The following PIEZO1 variants were observed in gnomAD, a reference collection of about 807,000 sequenced individuals.
PIEZO1 encodes the protein piezo-type mechanosensitive ion channel component 1.
A neutral mutation model predicts 297.2 loss-of-function variants in PIEZO1; 296 were observed. That is an observed-to-expected ratio of 1.00 (90% CI 0.91 to 1.10). PIEZO1 has a LOEUF of 1.10. Ranked by LOEUF, PIEZO1 falls within the 50% of genes least tolerant of loss-of-function variation. The pLI is 0.00. For synonymous variants in PIEZO1, 2,427 were observed against 1,507.5 expected (o/e 1.61, Z -14.13); for missense variants, 5,018 against 3,455.5 (o/e 1.45, Z -11.34).
intron 2 of PIEZO1, 61 bp downstream of exon 2, chr16:88,749,322 GC>G: frequency 9.2e-7 from 1 of 1,086,934 alleles, no homozygotes; most frequent in Non-Finnish European, 1.3e-6. Context: ...ACGAATTTTG[GC>G]CCCAAACGAA....
Position 88,783,154 on chromosome 16 carries a change from CAAG to C in PIEZO1, c.64+1744_64+1746del, listed in dbSNP as rs113785750. ...CCATCCTCCCCAAGGAGGCCAAAAG[CAAG>C]AAGAACAGTGATCCCTCCCCCAGAT... On this transcript the variant is annotated intron_variant, in intron 1 of 50. Transcript: ENST00000301015. 4.1e-3 allele frequency among the ~76,000 whole-genome samples: 625 copies of C among 152,260 alleles called. 1 individual carries two copies. The highest frequency in any genetic ancestry group is 0.013 in the African/African-American group (527 of 41,550).
At chr16:88,743,195 G>T (rs1166498223) in intron 2 of PIEZO1, 1 of 456,230 alleles carries the variant, frequency 2.2e-6, no homozygotes, top group Admixed American at 2.3e-5. Context: ...GGCAGGGGCT[G>T]GGCGGGCGCA....
At position 88,717,227 on chromosome 16, in the gene PIEZO1, A is replaced by G; in HGVS notation, c.6472-16T>C. On this transcript the variant is annotated splice_polypyrimidine_tract_variant and intron_variant, in intron 44 of 50. Coordinates refer to ENST00000301015, the MANE Select transcript of PIEZO1 (RefSeq NM_001142864.4). ...GCGGGTATTTCTGGAGGGGAACGAC[A>G]CAGGTCATACGCTCAGCTCTGCCCT... The G allele has an allele frequency of 1.9e-6, 3 of 1,543,878 alleles. No individual in the cohort carries two copies. Among genetic ancestry groups the G allele is most frequent in the East Asian group, 2.4e-5 (1 of 40,916 alleles).
intron 1 of PIEZO1, among the ~76,000 whole-genome samples, chr16:88,764,020 A>G (rs190604787): frequency 6.6e-6 from 1 of 152,102 alleles, no homozygotes; most frequent in Non-Finnish European, 1.5e-5. Context: ...CTGGGGGCCA[A>G]AGTGCACGAT....
intron 1 of PIEZO1, among the ~76,000 whole-genome samples, chr16:88,783,523 G>A (rs1384817280): frequency 1.3e-5 from 2 of 152,338 alleles, no homozygotes; most frequent in East Asian, 1.9e-4. Flanking sequence ...GGACGTTTCA[G>A]AAGCTTTCCT....
At position 88,721,536 on chromosome 16, in the gene PIEZO1, A is replaced by C; in HGVS notation, c.5403+2T>G. 6.5e-7 allele frequency: 1 copy of C among 1,547,762 alleles called. No individual in the cohort carries two copies. The highest frequency in any genetic ancestry group is 8.7e-7 in the Non-Finnish European group (1 of 1,145,300). On this transcript the variant is annotated splice_donor_variant, in intron 38 of 50. Coordinates refer to ENST00000301015, the MANE Select transcript of PIEZO1 (RefSeq NM_001142864.4). LOFTEE classifies it high-confidence loss of function. ...GCATTGCCAGCCAAGGCTCACACTC[A>C]CCAGCAGCTGGGAGCGGTGGAAGAA...
Position 88,715,612 on chromosome 16 carries a change from T to A in PIEZO1, c.7559A>T (p.Lys2520Met), listed in dbSNP as rs1227266122. ...GGGCGCCAGCAGCAGCTCCTACTCC[T>A]TCTCACGAGTCCACTTGATCATGGT... Reference protein sequence around the residue: ...PETMIKWTREKE With the variant: ...PETMIKWTREME Residue 2520 changes from lysine to methionine, a missense_variant, in exon 51 of 51, where the codon AAG becomes ATG. Physicochemically the swap from Lys to Met is moderately conservative, Grantham distance 95. Coordinates refer to ENST00000301015, the MANE Select transcript of PIEZO1 (RefSeq NM_001142864.4). 1 of 1,549,740 alleles carries A rather than the reference T, an allele frequency of 6.5e-7. No individual in the cohort carries two copies. The highest frequency in any genetic ancestry group is 1.4e-5 in the African/African-American group (1 of 73,126).
rs1027668127 is a variant in PIEZO1 at position 88,716,187 on chromosome 16, C to G, written c.7129+11G>C. The G allele has an allele frequency of 2.0e-6, 3 of 1,507,114 alleles. No individual in the cohort carries two copies. In the African/African-American group the frequency reaches 4.2e-5, roughly 21 times the overall value. The allele number at this position is 1,507,114 out of a possible 1,614,324, so 93.4% of individuals were successfully genotyped here. ...TCTCTAGCCTCCCCCAACCCCCACG[C>G]CCATACTCACTGGGCTGCAGCTGCT... is the stretch of plus-strand genomic sequence containing the variant. On this transcript the variant is annotated intron_variant, in intron 49 of 50. Coordinates refer to ENST00000301015, the MANE Select transcript of PIEZO1 (RefSeq NM_001142864.4).
Position 88,717,212 on chromosome 16 carries a change from C to T in PIEZO1, c.6472-1G>A, listed in dbSNP as rs2142751888. 1 of 1,548,146 alleles carries T rather than the reference C, an allele frequency of 6.5e-7. No individual in the cohort carries two copies. Among genetic ancestry groups the T allele is most frequent in the East Asian group, 2.4e-5 (1 of 40,920 alleles). ...TCTGCCCTTTGGGCTGCGGGTATTT[C>T]TGGAGGGGAACGACACAGGTCATAC... On this transcript the variant is annotated splice_acceptor_variant, in intron 44 of 50. Coordinates refer to ENST00000301015, the MANE Select transcript of PIEZO1 (RefSeq NM_001142864.4). LOFTEE classifies it high-confidence loss of function.
chr16:88,746,125 G>A (rs1382831718), intron 2 of PIEZO1, among the ~76,000 whole-genome samples: 2 of 152,342 alleles, frequency 1.3e-5, no homozygotes, highest in East Asian at 3.9e-4. Flanking sequence ...CCTTGAGGCT[G>A]AGCCATGAGG....
At position 88,716,634 on chromosome 16, in the gene PIEZO1, C is replaced by G. The variant is rs1205966416; in HGVS notation, c.6851G>C (p.Ser2284Thr). The G allele has an allele frequency of 1.6e-5, 25 of 1,549,740 alleles. No individual in the cohort carries two copies. Among genetic ancestry groups the G allele is most frequent in the Non-Finnish European group, 2.1e-5 (24 of 1,146,942 alleles). ...SGALWRISPP[S>T]RAQMKRELYN... ...GAGCTCCCGCTTCATCTGGGCACGGCTGGGGGGACTGATGCGCCACAGCGC... is the reference window on the plus strand; with the variant it reads ...GAGCTCCCGCTTCATCTGGGCACGGGTGGGGGGACTGATGCGCCACAGCGC... The change falls in exon 47 of 51, where the codon AGC becomes ACC. Residue 2284 changes from serine (S) to threonine (T), a missense_variant. Transcript: ENST00000301015.
chr16:88,734,186 T>C (rs934867918), intron 16 of PIEZO1, 132 bp from the exon 17 acceptor site: 7 of 1,262,570 alleles, frequency 5.5e-6, no homozygotes, highest in African/African-American at 4.5e-5. Context: ...TCGCAACTCA[T>C]GCCCACTGTC....
In PIEZO1 at chr16:88,726,657, G is replaced by A. The variant is rs1234335242; in HGVS notation, c.3700-14C>T. The A allele has an allele frequency of 1.9e-6, 3 of 1,544,504 alleles. No homozygotes were observed. Among genetic ancestry groups the A allele is most frequent in the African/African-American group, 1.4e-5 (1 of 72,706 alleles). ...GCAGGCCAGGAGCTGGGGGAGAGCA[G>A]GGTCAGCGGGGCCAGCGGGGCCCCA... On this transcript the variant is annotated splice_polypyrimidine_tract_variant and intron_variant, in intron 25 of 50. Transcript: ENST00000301015.
rs187519373 is a variant in PIEZO1, at chr16:88,750,716, G to A, written c.65-1237C>T. On this transcript the variant is annotated intron_variant, in intron 1 of 50. Coordinates refer to ENST00000301015, the MANE Select transcript of PIEZO1 (RefSeq NM_001142864.4). ...GAGGTTTGTCAGGAGATGAGGGGTGGGGCCTGATGTCGTCTCCTCGCAGGG... is the reference window on the plus strand; with the variant it reads ...GAGGTTTGTCAGGAGATGAGGGGTGAGGCCTGATGTCGTCTCCTCGCAGGG... Among the ~76,000 whole-genome samples, 1,193 of 152,332 alleles carry A rather than the reference G, an allele frequency of 7.8e-3. 12 individuals are homozygous for A. The highest frequency in any genetic ancestry group is 0.031 in the Middle Eastern group (9 of 294).
In PIEZO1 at chr16:88,715,584, C is replaced by CT; in HGVS notation, c.*20dup. 1 of 1,545,780 alleles carries CT rather than the reference C, an allele frequency of 6.5e-7. No homozygotes were observed. Among genetic ancestry groups the CT allele is most frequent in the Non-Finnish European group, 8.7e-7 (1 of 1,144,926 alleles). On this transcript the variant is annotated 3_prime_UTR_variant, in exon 51 of 51. Transcript: ENST00000301015. ...TGCCCAGCAGGCCGGCTCCTTCCCT[C>CT]TCGGGCGCCAGCAGCAGCTCCTACT...
In PIEZO1 at chr16:88,737,937, G is replaced by A. The variant is rs1905352745; in HGVS notation, c.1017C>T (p.Gly339=). The A allele has an allele frequency of 6.5e-7, 1 of 1,530,022 alleles. No homozygotes were observed. The highest frequency in any genetic ancestry group is 1.4e-5 in the African/African-American group (1 of 72,928). The allele number at this position is 1,530,022 out of a possible 1,614,324, so 94.8% of individuals were successfully genotyped here. ...ACCATGGGTGGCAGGTGCTCACCTG[G>A]CCGGAGGGGCGGTACGCGCGGAGCT... The part of the protein sequence containing the change: ...LRKLRAYRPS[G]QRKEAAKGYE... Residue 339 remains glycine (G), a synonymous_variant, in exon 8 of 51, where the codon GGC becomes GGT. Coordinates refer to ENST00000301015, the MANE Select transcript of PIEZO1 (RefSeq NM_001142864.4).
chr16:88,782,332 G>A (rs78437201), intron 1 of PIEZO1, among the ~76,000 whole-genome samples: 3 of 151,936 alleles, frequency 2.0e-5, no homozygotes, highest in Non-Finnish European at 2.9e-5. Context: ...GGCTGCTCTC[G>A]AATGGCTACG....
chr16:88,735,050 G>T lies in PIEZO1; in HGVS notation c.1673C>A (p.Pro558His). The T allele has an allele frequency of 1.9e-6, 3 of 1,550,342 alleles. No individual in the cohort carries two copies. The highest frequency in any genetic ancestry group is 2.6e-6 in the Non-Finnish European group (3 of 1,146,916). The change falls in exon 14 of 51, where the codon CCC becomes CAC. Residue 558 changes from proline (P) to histidine (H), a missense_variant. Physicochemically the swap from Pro to His is moderately conservative, Grantham distance 77. Coordinates refer to ENST00000301015, the MANE Select transcript of PIEZO1 (RefSeq NM_001142864.4). ...LTEVTVADTE[P>H]TRTQTLLQSL... is the part of the protein sequence containing the mutation. ...CTGCAACAGCGTCTGCGTCCGCGTGGGCTCTGTGGGCCAAGCCAGGGGCAG... is the reference window on the plus strand; with the variant it reads ...CTGCAACAGCGTCTGCGTCCGCGTGTGCTCTGTGGGCCAAGCCAGGGGCAG...
intron 22 of PIEZO1, among the ~76,000 whole-genome samples, chr16:88,728,309 T>C (rs1202370471): frequency 6.6e-6 from 1 of 152,254 alleles, no homozygotes; most frequent in African/African-American, 2.4e-5. Flanking sequence ...CCCTAAGGAC[T>C]GAGGGCATGG....
Sources: gnomAD v4.1 joint callset for allele counts (sites outside exome capture counted in the v4.1 genomes callset) on GRCh38, gnomAD v4.1.1 for gene constraint, MANE v1.5 for transcripts, NCBI Gene and HGNC (gene_info 2026-07-23, HGNC 2026-07-21) for gene names.